The following PDZD2 variants were observed in gnomAD, a reference collection of about 807,000 sequenced individuals.
The protein encoded by PDZD2 is PDZ domain-containing protein 2.
In PDZD2, 90 loss-of-function variants were observed where a neutral mutation model predicts 220.7. The observed-to-expected ratio is 0.41, with a 90% CI of 0.34 to 0.49. The LOEUF (loss-of-function observed/expected upper bound fraction) is 0.49. PDZD2 is among the 20% of genes least tolerant of loss of function. The pLI is 0.28. For missense variants in PDZD2, 3,174 were observed against 3,608.5 expected (o/e 0.88, Z 3.08); for synonymous variants, 1,375 against 1,450.5 (o/e 0.95, Z 1.18).
At chr5:32,073,604 G>GGGC (rs1345336531) in intron 17 of PDZD2, among the ~76,000 whole-genome samples, 2 of 144,944 alleles carry the variant, frequency 1.4e-5, no homozygotes, top group South Asian at 2.7e-4. Flanking sequence ...TTTAAGAAAA[G>GGGC]GGCGGGGGGG....
intron 1 of PDZD2, among the ~76,000 whole-genome samples, chr5:31,767,659 T>G (rs186516377): frequency 6.6e-6 from 1 of 152,344 alleles, no homozygotes; most frequent in Admixed American, 6.5e-5. Flanking sequence ...CAACGTAAGA[T>G]GGAGACTATG....
chr5:31,683,403 A>G (rs937797706), intron 1 of PDZD2, among the ~76,000 whole-genome samples: 1 of 152,156 alleles, frequency 6.6e-6, no homozygotes, highest in Non-Finnish European at 1.5e-5. Flanking sequence ...TAAAGAAAAC[A>G]AAAAGGTGAC....
At chr5:32,057,533 A>G (rs1270606150) in intron 10 of PDZD2, 122 bp from the exon 11 acceptor site, 3 of 660,550 alleles carry the variant, frequency 4.5e-6, no homozygotes, top group East Asian at 5.0e-5. Flanking sequence ...TAAACAATAA[A>G]AGTTATTTTA....
intron 24 of PDZD2, among the ~76,000 whole-genome samples, chr5:32,103,237 A>G (rs1285211318): frequency 6.6e-6 from 1 of 152,062 alleles, no homozygotes; most frequent in South Asian, 2.1e-4. Context: ...GAATGTATTT[A>G]TTTAAAACAA....
chr5:31,915,058 T>G (rs191283542), intron 2 of PDZD2, among the ~76,000 whole-genome samples: 1 of 152,324 alleles, frequency 6.6e-6, no homozygotes, highest in East Asian at 1.9e-4. Context: ...CTATTTCTTT[T>G]AGAAGCTGTA....
In PDZD2 at chr5:31,903,290, T is replaced by A. The variant is rs575024623; in HGVS notation, c.477-79865T>A. 6.1e-3 allele frequency among the ~76,000 whole-genome samples: 921 copies of A among 150,352 alleles called. 17 individuals are homozygous for A. Among genetic ancestry groups the A allele is most frequent in the African/African-American group, 0.022 (898 of 41,106 alleles). On this transcript the variant is annotated intron_variant, in intron 2 of 24. Coordinates refer to ENST00000438447, the MANE Select transcript of PDZD2 (RefSeq NM_178140.4). ...GCCTGGGCAACAAAGTGAGACTCCA[T>A]CTCAAAAAAAAATAAAATTAAAATT...
intron 2 of PDZD2, among the ~76,000 whole-genome samples, chr5:31,812,462 C>CT (rs887360347): frequency 8.0e-5 from 12 of 149,600 alleles, no homozygotes; most frequent in Admixed American, 1.3e-4. Context: ...ATACAACCCT[C>CT]TTTTTTTTTT....
intron 2 of PDZD2, among the ~76,000 whole-genome samples, chr5:31,980,128 G>T (rs1750170696): frequency 6.6e-6 from 1 of 152,026 alleles, no homozygotes; most frequent in African/African-American, 2.4e-5. Context: ...TGCTGGGTTG[G>T]GCAACCGTCA....
At chr5:31,850,126 ATGTG>A (rs1165058975) in intron 2 of PDZD2, among the ~76,000 whole-genome samples, 1 of 136,294 alleles carries the variant, frequency 7.3e-6, no homozygotes, top group Non-Finnish European at 1.6e-5. Context: ...ACGTGTATAT[ATGTG>A]TGTGTATATA....
chr5:32,016,190 A>G (rs756824384), intron 6 of PDZD2, among the ~76,000 whole-genome samples: 1 of 152,222 alleles, frequency 6.6e-6, no homozygotes, highest in Non-Finnish European at 1.5e-5. Context: ...CCTCGAGTGT[A>G]GAAATGAGGC....
intron 1 of PDZD2, among the ~76,000 whole-genome samples, chr5:31,692,231 C>T (rs1487771356): frequency 6.6e-6 from 1 of 152,208 alleles, no homozygotes; most frequent in African/African-American, 2.4e-5. Context: ...TTCTCACTGC[C>T]CGGGGCCGGT....
At chr5:32,012,473 TC>T (rs1369494534) in intron 6 of PDZD2, among the ~76,000 whole-genome samples, 3 of 152,100 alleles carry the variant, frequency 2.0e-5, no homozygotes, top group Non-Finnish European at 4.4e-5. Context: ...AACCTCTGTC[TC>T]CCGGGTTCTA....
At chr5:31,710,933 G>A (rs1452241437) in intron 1 of PDZD2, among the ~76,000 whole-genome samples, 1 of 152,090 alleles carries the variant, frequency 6.6e-6, no homozygotes, top group Non-Finnish European at 1.5e-5. Context: ...AGGGAGGAAG[G>A]CTTCATTTAA....
intron 2 of PDZD2, among the ~76,000 whole-genome samples, chr5:31,955,318 C>G (rs13157828): frequency 1.3e-5 from 2 of 151,736 alleles, no homozygotes; most frequent in Non-Finnish European, 2.9e-5. Flanking sequence ...TTTGTTTTTT[C>G]GAGACGAAGT....
chr5:31,944,324 G>A (rs2111559021), intron 2 of PDZD2, among the ~76,000 whole-genome samples: 1 of 152,278 alleles, frequency 6.6e-6, no homozygotes, highest in East Asian at 1.9e-4. Flanking sequence ...AAGAGCCCAG[G>A]ACAGCGTGGT....
intron 2 of PDZD2, among the ~76,000 whole-genome samples, chr5:31,917,875 G>T (rs1743829754): frequency 1.3e-5 from 2 of 152,152 alleles, no homozygotes; most frequent in African/African-American, 4.8e-5. Flanking sequence ...GAGTAGATGG[G>T]ACTACAGGCG....
intron 7 of PDZD2, among the ~76,000 whole-genome samples, chr5:32,041,273 C>T (rs1014578529): frequency 1.6e-4 from 25 of 151,908 alleles, no homozygotes; most frequent in African/African-American, 4.4e-4. Context: ...TCTGCCTGGC[C>T]GCCCCGTCTG....
At chr5:31,685,495 A>G (rs1231290403) in intron 1 of PDZD2, among the ~76,000 whole-genome samples, 1 of 152,158 alleles carries the variant, frequency 6.6e-6, no homozygotes, top group African/African-American at 2.4e-5. Context: ...CCTCGTCCGC[A>G]TGCATACCCA....
chr5:31,978,714 C>CAAA (rs10632600), intron 2 of PDZD2, among the ~76,000 whole-genome samples: 17 of 127,988 alleles, frequency 1.3e-4, no homozygotes, highest in Admixed American at 2.3e-4. Flanking sequence ...GACTCCATCT[C>CAAA]AAAAAAAAAA....
Sources: gnomAD v4.1 joint callset for allele counts (sites outside exome capture counted in the v4.1 genomes callset) on GRCh38, gnomAD v4.1.1 for gene constraint, MANE v1.5 for transcripts, NCBI Gene and HGNC (gene_info 2026-07-23, HGNC 2026-07-21) for gene names.